Variants in CSMD1 observed in about 807,000 individuals in gnomAD.
CSMD1 encodes the protein CUB and sushi domain-containing protein 1.
CSMD1 carries 213 observed loss-of-function variants against 417.5 expected under a neutral mutation model. That is an observed-to-expected ratio of 0.51 (90% CI 0.46 to 0.57). The LOEUF is 0.57. Ranked by LOEUF, CSMD1 falls within the 20% of genes least tolerant of loss-of-function variation. The pLI, the probability that CSMD1 is intolerant of heterozygous loss-of-function variation, is 0.00. For missense variants in CSMD1, 6,923 were observed against 4,529.7 expected (o/e 1.53, Z -15.17); for synonymous variants, 2,862 against 1,736.8 (o/e 1.65, Z -16.11).
At chr8:3,468,020 G>A (rs1007643050) in intron 12 of CSMD1, among the ~76,000 whole-genome samples, 1 of 152,150 alleles carries the variant, frequency 6.6e-6, no homozygotes. Flanking sequence ...AAGGAACTCA[G>A]TTACCAATGA....
chr8:4,122,124 G>A (rs955710234), intron 3 of CSMD1, among the ~76,000 whole-genome samples: 2 of 151,942 alleles, frequency 1.3e-5, no homozygotes, highest in African/African-American at 4.8e-5. Flanking sequence ...GGATATCAGA[G>A]ATACTTACTA....
intron 1 of CSMD1, among the ~76,000 whole-genome samples, chr8:4,952,497 G>C (rs934596666): frequency 1.3e-5 from 2 of 151,852 alleles, no homozygotes; most frequent in Admixed American, 6.6e-5. Context: ...GGACATAAAA[G>C]TTTACCTTTT....
intron 25 of CSMD1, among the ~76,000 whole-genome samples, chr8:3,298,811 T>C (rs902160817): frequency 2.6e-5 from 4 of 152,166 alleles, no homozygotes; most frequent in South Asian, 2.1e-4. Flanking sequence ...TTAATAGTGA[T>C]TGTCCTGGAG....
At chr8:3,572,962 G>A (rs1447285475) in intron 10 of CSMD1, among the ~76,000 whole-genome samples, 1 of 152,014 alleles carries the variant, frequency 6.6e-6, no homozygotes, top group Non-Finnish European at 1.5e-5. Context: ...TGTAAATGCA[G>A]AAATTAGTAA....
At position 4,377,152 on chromosome 8, in the gene CSMD1, T is replaced by A. The variant is rs190358269; in HGVS notation, c.415+42801A>T. On this transcript the variant is annotated intron_variant, in intron 3 of 69. Transcript: ENST00000635120. ...CCTTTATTTTTCATTTTTATGTGTT[T>A]TAAACAGTGGGATTATAGTGCATGG... Among the ~76,000 whole-genome samples, 245 of 152,360 alleles carry A rather than the reference T, an allele frequency of 1.6e-3. 1 individual carries two copies. The highest frequency in any genetic ancestry group is 5.6e-3 in the African/African-American group (234 of 41,588).
chr8:3,448,663 C>T (rs1815491789), intron 12 of CSMD1, among the ~76,000 whole-genome samples: 1 of 151,952 alleles, frequency 6.6e-6, no homozygotes, highest in East Asian at 1.9e-4. Flanking sequence ...GAGTGGAGGC[C>T]AAGTGGGCAT....
chr8:4,391,875 A>G (rs1487285672), intron 3 of CSMD1, among the ~76,000 whole-genome samples: 1 of 152,184 alleles, frequency 6.6e-6, no homozygotes, highest in Admixed American at 6.5e-5. Flanking sequence ...GGGTATGTCC[A>G]CCAGCTTCTG....
chr8:4,583,927 C>A (rs1799573004), intron 2 of CSMD1, among the ~76,000 whole-genome samples: 1 of 152,064 alleles, frequency 6.6e-6, no homozygotes, highest in South Asian at 2.1e-4. Flanking sequence ...CTTTTATGAG[C>A]TGTAACACTC....
intron 2 of CSMD1, among the ~76,000 whole-genome samples, chr8:4,436,380 C>T (rs1046123920): frequency 1.3e-5 from 2 of 152,036 alleles, no homozygotes; most frequent in African/African-American, 2.4e-5. Flanking sequence ...ATACATCAAA[C>T]GTGCTTAAGT....
At chr8:3,191,189 G>A (rs537824405) in intron 33 of CSMD1, among the ~76,000 whole-genome samples, 35 of 152,258 alleles carry the variant, frequency 2.3e-4, no homozygotes, top group African/African-American at 5.1e-4. Flanking sequence ...GTGCAGTGGC[G>A]CAAGCCTGTA....
chr8:4,181,790 G>C (rs182994063), intron 3 of CSMD1, among the ~76,000 whole-genome samples: 1 of 152,020 alleles, frequency 6.6e-6, no homozygotes, highest in Admixed American at 6.6e-5. Context: ...AACGATTTAG[G>C]TGACTAATTG....
chr8:3,842,018 G>A (rs1803170763), intron 5 of CSMD1, among the ~76,000 whole-genome samples: 2 of 152,114 alleles, frequency 1.3e-5, no homozygotes, highest in South Asian at 4.1e-4. Context: ...CGAGTTAAAA[G>A]CTCCTTTCTT....
intron 7 of CSMD1, chr8:3,700,377 A>G (rs1417240724): frequency 6.6e-6 from 1 of 152,224 alleles, no homozygotes; most frequent in African/African-American, 2.4e-5. Context: ...GTGTGTGTTT[A>G]TGATACACAC....
intron 2 of CSMD1, among the ~76,000 whole-genome samples, chr8:4,510,994 G>A (rs926904866): frequency 2.6e-5 from 4 of 151,680 alleles, no homozygotes; most frequent in Admixed American, 6.6e-5. Flanking sequence ...TCTAAGGAAT[G>A]ATTCAAAGTG....
intron 49 of CSMD1, among the ~76,000 whole-genome samples, chr8:3,074,130 G>C (rs1813486129): frequency 6.6e-6 from 1 of 152,194 alleles, no homozygotes; most frequent in Non-Finnish European, 1.5e-5. Context: ...TTGCGCAGCT[G>C]AATGTTTCCT....
chr8:3,172,878 T>C (rs143713776), intron 37 of CSMD1, among the ~76,000 whole-genome samples: 1 of 152,188 alleles, frequency 6.6e-6, no homozygotes, highest in African/African-American at 2.4e-5. Flanking sequence ...GCAATATTTA[T>C]CTCATGATTG....
At chr8:4,969,376 C>T (rs551820664) in intron 1 of CSMD1, among the ~76,000 whole-genome samples, 112 of 151,904 alleles carry the variant, frequency 7.4e-4, no homozygotes, top group Admixed American at 2.4e-3. Context: ...CCAGATAAAA[C>T]GAGATGGGGA....
chr8:4,750,178 T>G (rs1211401907), intron 1 of CSMD1, among the ~76,000 whole-genome samples: 2 of 151,964 alleles, frequency 1.3e-5, no homozygotes, highest in Non-Finnish European at 2.9e-5. Context: ...GCTAATTTTT[T>G]TTGTATTTTT....
chr8:4,545,077 T>C (rs1797571733), intron 2 of CSMD1, among the ~76,000 whole-genome samples: 3 of 152,244 alleles, frequency 2.0e-5, no homozygotes, highest in Admixed American at 6.5e-5. Context: ...TATGTGTGTA[T>C]GATGTATATA....
Sources: allele counts gnomAD v4.1 joint callset (sites outside exome capture counted in the v4.1 genomes callset), GRCh38; gene constraint gnomAD v4.1.1; transcripts MANE v1.5; gene names NCBI Gene and HGNC (gene_info 2026-07-23, HGNC 2026-07-21).